CCDC91: variants seen among roughly 807,000 people sequenced by gnomAD.
CCDC91 encodes coiled-coil domain containing 91.
In CCDC91, 48 loss-of-function variants were observed where a neutral mutation model predicts 63.2. The ratio of observed to expected loss-of-function variants is 0.76; its 90% confidence interval spans 0.60 to 0.97. The LOEUF (loss-of-function observed/expected upper bound fraction) is 0.97. Among genes scored for constraint, CCDC91 ranks in the 50% least tolerant of loss-of-function variants. The pLI, the probability that CCDC91 is intolerant of heterozygous loss-of-function variation, is 0.00. For missense variants in CCDC91, 500 were observed against 494.6 expected (o/e 1.01, Z -0.10); for synonymous variants, 167 against 165.8 (o/e 1.01, Z -0.06).
rs1454428878 is a variant in CCDC91, at chr12:28,218,295, A to G, written c.-15+27654A>G. ...TTTCTACTCCCATTCCTGCTAGAGG[A>G]AGGGATTTAGCACTAGTGACAAGCA... On this transcript the variant is annotated intron_variant, in intron 1 of 12. Transcript: ENST00000536442. Among the ~76,000 whole-genome samples the G allele has an allele frequency of 3.9e-5, 6 of 152,128 alleles. 1 individual carries two copies. The East Asian group carries it at 1.2e-3, about 29-fold the overall frequency.
At chr12:28,422,895 G>A (rs1465201887) in intron 8 of CCDC91, among the ~76,000 whole-genome samples, 1 of 152,066 alleles carries the variant, frequency 6.6e-6, no homozygotes, top group Non-Finnish European at 1.5e-5. Flanking sequence ...AACTAAATTA[G>A]AACTTCTTAA....
intron 6 of CCDC91, among the ~76,000 whole-genome samples, chr12:28,344,823 A>AT (rs1942693035): frequency 6.6e-6 from 1 of 152,056 alleles, no homozygotes; most frequent in South Asian, 2.1e-4. Context: ...TTTTCTAAAC[A>AT]TTGGTTGTTT....
intron 8 of CCDC91, among the ~76,000 whole-genome samples, chr12:28,449,164 A>G (rs1949678083): frequency 6.6e-6 from 1 of 152,094 alleles, no homozygotes; most frequent in African/African-American, 2.4e-5. Context: ...GGAATAACAG[A>G]TTATCTTAAG....
rs17435265 is a variant in CCDC91 at position 28,480,364 on chromosome 12, A to G, written c.1102-3688A>G. On this transcript the variant is annotated intron_variant, in intron 11 of 12. Coordinates refer to ENST00000536442, the MANE Select transcript of CCDC91 (RefSeq NM_018318.5). The stretch of plus-strand genomic sequence containing the variant: ...GTATTACCACCACTCATTAACCACA[A>G]CGTCCTTTAAGATCTCTTTTAGTGT... Among the ~76,000 whole-genome samples, 479 of 151,902 alleles carry G rather than the reference A, an allele frequency of 3.2e-3. 4 individuals carry two copies. The highest frequency in any genetic ancestry group is 4.7e-3 in the Non-Finnish European group (320 of 67,872).
intron 8 of CCDC91, among the ~76,000 whole-genome samples, chr12:28,410,788 C>G (rs1947270259): frequency 6.6e-6 from 1 of 152,130 alleles, no homozygotes; most frequent in Admixed American, 6.5e-5. Context: ...TCCCAAAGTG[C>G]TGGGATTACA....
intron 6 of CCDC91, among the ~76,000 whole-genome samples, chr12:28,329,411 A>C (rs1043968219): frequency 6.6e-6 from 1 of 152,136 alleles, no homozygotes; most frequent in Non-Finnish European, 1.5e-5. Flanking sequence ...GATATATTTC[A>C]TAGGTGAAAC....
At chr12:28,527,629 G>A (rs1331191295) in intron 12 of CCDC91, among the ~76,000 whole-genome samples, 4 of 152,074 alleles carry the variant, frequency 2.6e-5, no homozygotes, top group Non-Finnish European at 1.5e-5. Flanking sequence ...AGTATGGGGG[G>A]GGAACATTTG....
intron 12 of CCDC91, among the ~76,000 whole-genome samples, chr12:28,490,127 G>A (rs900393906): frequency 2.0e-5 from 3 of 151,746 alleles, no homozygotes; most frequent in African/African-American, 2.4e-5. Context: ...GGAAAATGGC[G>A]CTTTCCTGAC....
chr12:28,370,095 C>T (rs1325444592), intron 7 of CCDC91, among the ~76,000 whole-genome samples: 2 of 152,214 alleles, frequency 1.3e-5, no homozygotes, highest in East Asian at 1.9e-4. Flanking sequence ...CTGCAGCCAA[C>T]TTGAATTTCT....
rs180807984 is a variant in CCDC91 at position 28,527,828 on chromosome 12, G to C, written c.1216-21235G>C. On this transcript the variant is annotated intron_variant, in intron 12 of 12. Coordinates refer to ENST00000536442, the MANE Select transcript of CCDC91 (RefSeq NM_018318.5). ...CCACGTCAGTGGAATTATGTTCCTA[G>C]GAGGATTATGGCTGCCTCTGTTGTG... 4.5e-3 allele frequency among the ~76,000 whole-genome samples: 686 copies of C among 152,238 alleles called. 6 individuals are homozygous for C. The highest frequency in any genetic ancestry group is 0.016 in the African/African-American group (657 of 41,552).
Position 28,257,255 on chromosome 12 carries a change from G to C in CCDC91, c.30+10G>C. 1 of 1,592,086 alleles carries C rather than the reference G, an allele frequency of 6.3e-7. No homozygotes were observed. The highest frequency in any genetic ancestry group is 2.2e-5 in the East Asian group (1 of 44,592). ...TTTTGGTGGTTTTGAGGTATGCACT[G>C]TTATTTACATTAGTTTGTTTTAACT... On this transcript the variant is annotated intron_variant, in intron 2 of 12. Coordinates refer to ENST00000536442, the MANE Select transcript of CCDC91 (RefSeq NM_018318.5).
intron 7 of CCDC91, among the ~76,000 whole-genome samples, chr12:28,387,838 C>T (rs78646564): frequency 0.056 from 8,545 of 152,158 alleles, 625 homozygotes; most frequent in East Asian, 0.28. Context: ...TGAATTGTTC[C>T]GCTATAAACG....
chr12:28,263,724 G>A (rs1946982646), intron 3 of CCDC91, among the ~76,000 whole-genome samples: 1 of 151,954 alleles, frequency 6.6e-6, no homozygotes, highest in Non-Finnish European at 1.5e-5. Flanking sequence ...GTTAGTCTGA[G>A]ATTTGGAGGG....
chr12:28,309,182 G>T (rs1209519664), intron 6 of CCDC91, among the ~76,000 whole-genome samples: 2 of 151,942 alleles, frequency 1.3e-5, no homozygotes, highest in East Asian at 3.9e-4. Context: ...TAAGAAAAAC[G>T]CAGGCAGTGT....
chr12:28,361,559 C>T (rs77538853), intron 6 of CCDC91, among the ~76,000 whole-genome samples: 4 of 150,230 alleles, frequency 2.7e-5, no homozygotes, highest in African/African-American at 9.7e-5. Flanking sequence ...TTAAATATTC[C>T]TTTTGCTGTA....
intron 10 of CCDC91, among the ~76,000 whole-genome samples, chr12:28,451,307 G>A (rs1390807509): frequency 1.3e-5 from 2 of 151,656 alleles, no homozygotes; most frequent in Non-Finnish European, 3.0e-5. Flanking sequence ...AAACAGACCA[G>A]TAGTAGTAGT....
intron 6 of CCDC91, among the ~76,000 whole-genome samples, chr12:28,360,140 T>A (rs1246750017): frequency 6.6e-6 from 1 of 152,228 alleles, no homozygotes; most frequent in Non-Finnish European, 1.5e-5. Flanking sequence ...TTTTGACAAT[T>A]GCTGTTGATT....
chr12:28,375,041 G>C lies in CCDC91; in HGVS notation c.654+12526G>C, dbSNP rs938869885. On this transcript the variant is annotated intron_variant, in intron 7 of 12. Transcript: ENST00000536442. ...AGACTGCTAAGTACTTCTGTTAGTAGAGCTGATTACGAGCATAGATTTTTG... is the reference window on the plus strand; with the variant it reads ...AGACTGCTAAGTACTTCTGTTAGTACAGCTGATTACGAGCATAGATTTTTG... 6.6e-5 allele frequency among the ~76,000 whole-genome samples: 10 copies of C among 152,084 alleles called. 1 individual carries two copies. The highest frequency in any genetic ancestry group is 5.2e-4 in the Admixed American group (8 of 15,240).
Position 28,549,316 on chromosome 12 carries a change from T to A in CCDC91, c.*143T>A. ...AGTTCAAGGATAAACCAAAACAATA[T>A]TTAGAACTATCAAGTGATCTAATTT... On this transcript the variant is annotated 3_prime_UTR_variant, in exon 13 of 13. Transcript: ENST00000536442. 1 of 525,616 alleles carries A rather than the reference T, an allele frequency of 1.9e-6. No individual in the cohort carries two copies. 32.6% of individuals were successfully genotyped at this position (525,616 alleles called of 1,614,324 possible). A position where few individuals can be genotyped will look rare whatever the true frequency, so the allele number is the denominator to read the frequency against.
Sources: allele counts gnomAD v4.1 joint callset (sites outside exome capture counted in the v4.1 genomes callset), GRCh38; gene constraint gnomAD v4.1.1; transcripts MANE v1.5; gene names NCBI Gene and HGNC (gene_info 2026-07-23, HGNC 2026-07-21).